GABRQ: variants seen among roughly 807,000 people sequenced by gnomAD.
GABRQ encodes the protein gamma-aminobutyric acid type A receptor subunit theta, also known as gamma-aminobutyric acid receptor subunit theta.
A neutral mutation model predicts 30.5 loss-of-function variants in GABRQ; 19 were observed. That is an observed-to-expected ratio of 0.62 (90% CI 0.43 to 0.91). The LOEUF (loss-of-function observed/expected upper bound fraction) is 0.91, where lower values mean the gene tolerates loss of function less well. Ranked by LOEUF, GABRQ falls within the 40% of genes least tolerant of loss-of-function variation. The probability of loss-of-function intolerance (pLI) is 0.00; values close to 1 mark genes in which losing one functional copy is unlikely to be tolerated. For missense variants in GABRQ, 520 were observed against 521.4 expected, an observed-to-expected ratio of 1.00 and a Z score of 0.03; for synonymous variants, 187 against 210.2, an observed-to-expected ratio of 0.89 and a Z score of 0.95.
rs782541697 is a variant in GABRQ at position 152,654,530 on chromosome X, T to A, written c.*1249T>A. On this transcript the variant is annotated 3_prime_UTR_variant, in exon 9 of 9. Coordinates refer to ENST00000598523, the MANE Select transcript of GABRQ (RefSeq NM_018558.4). ...TCCCAACTGAGGCATTTCCTTTTCTTCCCTCCCTAAAGAGGGTGCTCCAGA... is the reference window on the plus strand; with the variant it reads ...TCCCAACTGAGGCATTTCCTTTTCTACCCTCCCTAAAGAGGGTGCTCCAGA... The A allele has an allele frequency of 8.9e-6, 1 of 111,912 alleles. No individual in the cohort carries two copies. Among genetic ancestry groups the A allele is most frequent in the African/African-American group, 3.3e-5 (1 of 30,733 alleles). The allele number at this position is 111,912 out of a possible 1,213,427, so 9.2% of individuals were successfully genotyped here. A position where few individuals can be genotyped will look rare whatever the true frequency, so the allele number is the denominator to read the frequency against.
In GABRQ at chrX:152,645,566, G is replaced by C; in HGVS notation, c.278G>C (p.Ser93Thr). Reference protein sequence around the residue: ...VPVRISIYVTSIEQISEMNMD... With the variant: ...VPVRISIYVTTIEQISEMNMD... ...GTGAGAATATCTATTTATGTCACGAGCATTGAACAGATCTCAGAAATGAAT... is the reference window on the plus strand; with the variant it reads ...GTGAGAATATCTATTTATGTCACGACCATTGAACAGATCTCAGAAATGAAT... Residue 93 changes from serine (S) to threonine (T), a missense_variant, in exon 3 of 9, where the codon AGC (serine) becomes ACC (threonine). Coordinates refer to ENST00000598523, the MANE Select transcript of GABRQ (RefSeq NM_018558.4). The C allele has an allele frequency of 8.8e-7, 1 of 1,137,828 alleles. No homozygotes were observed. Among genetic ancestry groups the C allele is most frequent in the Admixed American group, 2.2e-5 (1 of 45,866 alleles). The allele number at this position is 1,137,828 out of a possible 1,213,427, so 93.8% of individuals were successfully genotyped here. A position where few individuals can be genotyped will look rare whatever the true frequency, so the allele number is the denominator to read the frequency against.
chrX:152,643,915 A>G (rs1192425879), intron 2 of GABRQ, among the ~76,000 whole-genome samples: 2 of 111,624 alleles, frequency 1.8e-5, no homozygotes, highest in African/African-American at 6.6e-5. Context: ...GTTCACTCAA[A>G]CTCAAACATG....
At chrX:152,651,173 G>A (rs1424715914) in intron 7 of GABRQ, among the ~76,000 whole-genome samples, 1 of 111,987 alleles carries the variant, frequency 8.9e-6, no homozygotes, top group South Asian at 3.8e-4. Flanking sequence ...TTAGGAGAAC[G>A]TTCTGGACTA....
chrX:152,644,026 C>T (rs1930822010), intron 2 of GABRQ, among the ~76,000 whole-genome samples: 1 of 112,114 alleles, frequency 8.9e-6, no homozygotes, highest in African/African-American at 3.2e-5. Context: ...TATTCACACA[C>T]TTTAACATGC....
rs139620091 is a variant in GABRQ at position 152,654,908 on chromosome X, A to G, written c.*1627A>G. ...TATGCAGCAGGGTGGGTGTATGTACATATACAACCATTTGAGAAGCTGCAT... is the reference window on the plus strand; with the variant it reads ...TATGCAGCAGGGTGGGTGTATGTACGTATACAACCATTTGAGAAGCTGCAT... On this transcript the variant is annotated 3_prime_UTR_variant, in exon 9 of 9. Coordinates refer to ENST00000598523, the MANE Select transcript of GABRQ (RefSeq NM_018558.4). 1.8e-5 allele frequency: 2 copies of G among 112,575 alleles called. No individual in the cohort carries two copies. Among genetic ancestry groups the G allele is most frequent in the African/African-American group, 6.5e-5 (2 of 30,979 alleles). The allele number at this position is 112,575 out of a possible 1,213,427, so 9.3% of individuals were successfully genotyped here.
Position 152,653,433 on chromosome X carries a change from G to C in GABRQ, c.*152G>C, listed in dbSNP as rs1474658451. The stretch of plus-strand genomic sequence containing the variant: ...ACTTCTCTTTATAAACATGAGGTGG[G>C]GAGTAATTGGAAAGAACATGTTCTA... On this transcript the variant is annotated 3_prime_UTR_variant, in exon 9 of 9. Transcript: ENST00000598523. 1 of 443,934 alleles carries C rather than the reference G, an allele frequency of 2.3e-6. No individual in the cohort carries two copies. The highest frequency in any genetic ancestry group is 2.4e-5 in the African/African-American group (1 of 40,882). The allele number at this position is 443,934 out of a possible 1,213,427, so 36.6% of individuals were successfully genotyped here. A position where few individuals can be genotyped will look rare whatever the true frequency, so the allele number is the denominator to read the frequency against.
chrX:152,644,623 T>C (rs1317839734), intron 2 of GABRQ, among the ~76,000 whole-genome samples: 1 of 112,006 alleles, frequency 8.9e-6, no homozygotes, highest in Non-Finnish European at 1.9e-5. Flanking sequence ...CATGCGCAGG[T>C]GTTCACTCAC....
At chrX:152,651,879 C>T (rs1030774993) in intron 8 of GABRQ, 97 bp downstream of exon 8, 55 of 815,232 alleles carry the variant, frequency 6.7e-5, no homozygotes, top group South Asian at 2.0e-4. Flanking sequence ...TTTTTAAATA[C>T]GCGCACCCAC....
chrX:152,652,624 C>T lies in GABRQ; in HGVS notation c.1242C>T (p.Leu414=). 2.5e-6 allele frequency: 3 copies of T among 1,210,822 alleles called. No individual in the cohort carries two copies. Among genetic ancestry groups the T allele is most frequent in the Non-Finnish European group, 2.2e-6 (2 of 894,673 alleles). ...AQAPLASPES[L]GSLTSTSEQA... is the part of the protein sequence containing the mutation. ...CCCCCCTGGCAAGCCCGGAAAGCCT[C>T]GGTTCTTTGACGTCCACCTCCGAGC... The change falls in exon 9 of 9, where the codon CTC becomes CTT. Residue 414 remains leucine (L), a synonymous_variant. Transcript: ENST00000598523.
intron 2 of GABRQ, among the ~76,000 whole-genome samples, chrX:152,643,558 G>T (rs1930808899): frequency 8.9e-6 from 1 of 112,175 alleles, no homozygotes; most frequent in African/African-American, 3.2e-5. Flanking sequence ...CGATAAAAAC[G>T]GATTTGCCCA....
chrX:152,649,922 T>C (rs782356363), intron 6 of GABRQ, 43 bp downstream of exon 6: 14 of 1,081,429 alleles, frequency 1.3e-5, no homozygotes, highest in Non-Finnish European at 1.5e-5. Flanking sequence ...ATGTCTGCCT[T>C]GCACCTCCAT....
chrX:152,647,109 G>A lies in GABRQ; in HGVS notation c.468G>A (p.Val156=). ...GCAAGGATGCTTTCGTGCATGATGT[G>A]ACTGTGGAGAATCGCGTGTTTCAGC... ...LNSKDAFVHD[V]TVENRVFQLH... The change falls in exon 4 of 9, where the codon GTG becomes GTA. Residue 156 remains valine, a synonymous_variant. Transcript: ENST00000598523. 8.3e-7 allele frequency: 1 copy of A among 1,211,439 alleles called. No homozygotes were observed. The highest frequency in any genetic ancestry group is 1.8e-5 in the South Asian group (1 of 56,957).
At position 152,650,570 on chromosome X, in the gene GABRQ, G is replaced by T; in HGVS notation, c.891G>T (p.Arg297Ser). Residue 297 changes from arginine to serine, a missense_variant, in exon 7 of 9, where the codon AGG (arginine) becomes AGT (serine). Physicochemically the swap from Arg to Ser is moderately radical, Grantham distance 110 (BLOSUM62 -1). Coordinates refer to ENST00000598523, the MANE Select transcript of GABRQ (RefSeq NM_018558.4). ...FWMNYDSSAA[R>S]VTIGLTSMLI... ...TGAACTATGATTCCTCTGCAGCCAG[G>T]GTGACAATTGGTAGGTTCTGTCTCT... The T allele has an allele frequency of 8.3e-7, 1 of 1,200,906 alleles. No homozygotes were observed. Among genetic ancestry groups the T allele is most frequent in the Non-Finnish European group, 1.1e-6 (1 of 887,930 alleles).
At chrX:152,643,410 C>A (rs187886210) in intron 2 of GABRQ, among the ~76,000 whole-genome samples, 2 of 112,307 alleles carry the variant, frequency 1.8e-5, no homozygotes, top group East Asian at 5.6e-4. Flanking sequence ...AGCTTCTGGG[C>A]AATCAGCCTG....
intron 2 of GABRQ, among the ~76,000 whole-genome samples, chrX:152,644,050 C>T (rs922498581): frequency 2.0e-4 from 22 of 112,220 alleles, no homozygotes; most frequent in African/African-American, 6.8e-4. Flanking sequence ...CACGTGCAAA[C>T]ATGCTCACAC....
At chrX:152,645,157 TCACA>T (rs1208239101) in intron 2 of GABRQ, among the ~76,000 whole-genome samples, 1 of 112,173 alleles carries the variant, frequency 8.9e-6, no homozygotes, top group Non-Finnish European at 1.9e-5. Flanking sequence ...ACACATTCAC[TCACA>T]CACACAAACA....
chrX:152,651,409 GCCGAA>G (rs1931016035), intron 7 of GABRQ, 112 bp from the exon 8 acceptor site: 2 of 546,100 alleles, frequency 3.7e-6, no homozygotes, highest in Non-Finnish European at 6.2e-6. Flanking sequence ...TAAAGAGAGA[GCCGAA>G]GGCCTTTGCT....
chrX:152,652,468 C>T (rs1931045795), intron 8 of GABRQ, 73 bp from the exon 9 acceptor site: 2 of 911,996 alleles, frequency 2.2e-6, no homozygotes, highest in Non-Finnish European at 1.5e-6. Context: ...AGTCCCTTCC[C>T]TCCTCCCTCC....
At chrX:152,648,859 C>G (rs1490414477) in intron 4 of GABRQ, among the ~76,000 whole-genome samples, 1 of 112,589 alleles carries the variant, frequency 8.9e-6, no homozygotes, top group African/African-American at 3.2e-5. Context: ...AGAGGCAGGC[C>G]TGGATGGAGG....
Sources: gnomAD v4.1 joint callset for allele counts (sites outside exome capture counted in the v4.1 genomes callset) on GRCh38, gnomAD v4.1.1 for gene constraint, MANE v1.5 for transcripts, NCBI Gene and HGNC (gene_info 2026-07-23, HGNC 2026-07-21) for gene names.